The following DRC8 variants were observed in gnomAD, a reference collection of about 807,000 sequenced individuals.
DRC8 encodes dynein regulatory complex protein 8.
chr1:245,046,463 T>G, the DRC8 span, among the ~76,000 whole-genome samples: 1 of 152,188 alleles, frequency 6.6e-6, no homozygotes, highest in African/African-American at 2.4e-5. Context: ...CAATACGGTT[T>G]CCTCCACTGT....
the DRC8 span, among the ~76,000 whole-genome samples, chr1:245,059,663 A>G: frequency 1.3e-5 from 2 of 152,222 alleles, no homozygotes; most frequent in South Asian, 4.1e-4. Context: ...GACTATGAAC[A>G]AGTAACACAA....
At chr1:245,110,933 G>A in the DRC8 span, among the ~76,000 whole-genome samples, 1 of 152,146 alleles carries the variant, frequency 6.6e-6, no homozygotes. Context: ...AGGAAAGAAA[G>A]CTCCTTTTTG....
At chr1:245,119,065 T>G in the DRC8 span, among the ~76,000 whole-genome samples, 2 of 152,130 alleles carry the variant, frequency 1.3e-5, no homozygotes, top group South Asian at 4.1e-4. Context: ...CCTCTGGCTG[T>G]TATGCGAGGG....
the DRC8 span, among the ~76,000 whole-genome samples, chr1:245,117,891 C>T: frequency 6.6e-5 from 10 of 151,994 alleles, no homozygotes; most frequent in African/African-American, 2.4e-4. Context: ...CTTGCTTGAA[C>T]CCAGAGGTGG....
At chr1:244,975,913 GGAAA>G in the DRC8 span, among the ~76,000 whole-genome samples, 2 of 151,834 alleles carry the variant, frequency 1.3e-5, no homozygotes, top group Non-Finnish European at 2.9e-5. Flanking sequence ...TGAATAAATG[GGAAA>G]GAAAGTGTTT....
At chr1:244,970,857 A>G in the DRC8 span, 10 of 245,136 alleles carry the variant, frequency 4.1e-5, no homozygotes, top group South Asian at 4.3e-4. Context: ...GGTGCTGATA[A>G]TGGCGTCGTT....
At chr1:244,979,158 G>A in the DRC8 span, among the ~76,000 whole-genome samples, 1 of 151,824 alleles carries the variant, frequency 6.6e-6, no homozygotes, top group Admixed American at 6.6e-5. Context: ...TTTGATGTCT[G>A]CTTCTCCTAG....
chr1:245,029,096 G>C, the DRC8 span, among the ~76,000 whole-genome samples: 1 of 152,214 alleles, frequency 6.6e-6, no homozygotes, highest in Admixed American at 6.5e-5. Flanking sequence ...CATCACAAAG[G>C]GCATGGGGTC....
the DRC8 span, chr1:245,087,588 C>T: frequency 8.0e-6 from 9 of 1,131,542 alleles, no homozygotes; most frequent in East Asian, 2.1e-4. Flanking sequence ...ATTCTTAAAA[C>T]ATTTTAACAT....
the DRC8 span, among the ~76,000 whole-genome samples, chr1:244,989,242 T>A: frequency 6.6e-6 from 1 of 152,204 alleles, no homozygotes; most frequent in East Asian, 1.9e-4. Context: ...AAAGTAATTT[T>A]AAAAATTAAC....
chr1:244,978,734 A>G, the DRC8 span, among the ~76,000 whole-genome samples: 1 of 151,990 alleles, frequency 6.6e-6, no homozygotes. Context: ...AGGCAATCCT[A>G]CCACCTTGGC....
the DRC8 span, among the ~76,000 whole-genome samples, chr1:245,022,199 G>A: frequency 2.0e-5 from 3 of 150,380 alleles, no homozygotes; most frequent in Non-Finnish European, 2.9e-5. Flanking sequence ...AGGCAGGAGC[G>A]CAGTGGAGTG....
At chr1:245,044,609 G>T in the DRC8 span, among the ~76,000 whole-genome samples, 5,245 of 151,722 alleles carry the variant, frequency 0.035, 326 homozygotes, top group African/African-American at 0.12. Context: ...ACGGAGTCTC[G>T]TTCTGTTGCC....
chr1:245,006,343 G>A, the DRC8 span, among the ~76,000 whole-genome samples: 51 of 151,826 alleles, frequency 3.4e-4, 2 homozygotes, highest in Admixed American at 1.2e-3. Context: ...ACAGAGTCTC[G>A]CTCTGCCTCC....
the DRC8 span, among the ~76,000 whole-genome samples, chr1:245,078,448 G>A: frequency 5.4e-4 from 3 of 5,572 alleles, no homozygotes; most frequent in Non-Finnish European, 4.7e-3. Context: ...ACAAATGAGT[G>A]GATAGTATAT....
chr1:244,983,854 G>A, the DRC8 span, among the ~76,000 whole-genome samples: 30 of 151,720 alleles, frequency 2.0e-4, no homozygotes, highest in Non-Finnish European at 3.7e-4. Context: ...CTAACTGTTA[G>A]ATATTTAAAT....
the DRC8 span, among the ~76,000 whole-genome samples, chr1:245,051,025 C>T: frequency 1.3e-5 from 2 of 152,094 alleles, no homozygotes; most frequent in Non-Finnish European, 2.9e-5. Context: ...CGCCACCATA[C>T]CCCAATAATT....
At chr1:245,120,238 C>T in the DRC8 span, among the ~76,000 whole-genome samples, 11 of 152,144 alleles carry the variant, frequency 7.2e-5, no homozygotes, top group Non-Finnish European at 1.5e-4. Context: ...CCAGGGAATC[C>T]TTGTGTGAAC....
the DRC8 span, among the ~76,000 whole-genome samples, chr1:245,052,307 C>G: frequency 6.6e-6 from 1 of 152,108 alleles, no homozygotes; most frequent in Non-Finnish European, 1.5e-5. Flanking sequence ...TTGAGATGTT[C>G]AGGATTATGG....
Sources: allele counts gnomAD v4.1 joint callset (sites outside exome capture counted in the v4.1 genomes callset), GRCh38; gene constraint gnomAD v4.1.1; transcripts MANE v1.5; gene names NCBI Gene and HGNC (gene_info 2026-07-23, HGNC 2026-07-21).